MAP7: variants seen among roughly 807,000 people sequenced by gnomAD.
The protein encoded by MAP7 is ensconsin.
MAP7 carries 52 observed loss-of-function variants against 94.8 expected under a neutral mutation model. The observed-to-expected ratio is 0.55, with a 90% CI of 0.44 to 0.69. MAP7 has a LOEUF of 0.69. Among genes scored for constraint, MAP7 ranks in the 30% least tolerant of loss-of-function variants. MAP7 has a pLI of 0.00. For synonymous variants in MAP7, 350 were observed against 357.0 expected, an observed-to-expected ratio of 0.98 and a Z score of 0.22; for missense variants, 940 against 964.6, an observed-to-expected ratio of 0.97 and a Z score of 0.34.
At chr6:136,495,951 C>T (rs1336512340) in intron 1 of MAP7, among the ~76,000 whole-genome samples, 1 of 152,096 alleles carries the variant, frequency 6.6e-6, no homozygotes, top group East Asian at 1.9e-4. Context: ...AAAATAATGG[C>T]TCAAGGAGGG....
chr6:136,466,194 AAAAT>A (rs1806986282), intron 1 of MAP7, among the ~76,000 whole-genome samples: 1 of 152,164 alleles, frequency 6.6e-6, no homozygotes, highest in African/African-American at 2.4e-5. Flanking sequence ...ACAAAATAAA[AAAAT>A]AAGTAGGCAA....
At chr6:136,416,290 C>A (rs1789384449) in intron 2 of MAP7, among the ~76,000 whole-genome samples, 2 of 152,000 alleles carry the variant, frequency 1.3e-5, no homozygotes, top group African/African-American at 2.4e-5. Flanking sequence ...CAATCTTGTA[C>A]CTGATAACAG....
intron 1 of MAP7, among the ~76,000 whole-genome samples, chr6:136,463,108 T>G (rs767988925): frequency 7.2e-5 from 11 of 152,204 alleles, no homozygotes; most frequent in Non-Finnish European, 1.5e-4. Context: ...CAGAGTTTTA[T>G]GCAGCATAGT....
At chr6:136,474,428 C>T (rs890964764) in intron 1 of MAP7, among the ~76,000 whole-genome samples, 2 of 152,102 alleles carry the variant, frequency 1.3e-5, no homozygotes, top group East Asian at 1.9e-4. Context: ...GAGCAGATGA[C>T]GTCTGGACCA....
Position 136,389,452 on chromosome 6 carries a change from C to T in MAP7, c.310G>A (p.Glu104Lys), listed in dbSNP as rs144032858. ...RARQHYEKHLEERKKRLEEQR... is the reference protein window; with the variant it reads ...RARQHYEKHLKERKKRLEEQR... ...TCCTCCAACCTCTTCTTCCGCTCTT[C>T]CAGGTGCTTCTCGTAGTGCTGCCTG... The change falls in exon 4 of 18, where the codon GAA (glutamate) becomes AAA (lysine). Residue 104 changes from glutamate (E) to lysine (K), a missense_variant. Physicochemically the swap from Glu to Lys is moderately conservative, Grantham distance 56. Coordinates refer to ENST00000354570, the MANE Select transcript of MAP7 (RefSeq NM_003980.6). 1 of 1,610,270 alleles carries T rather than the reference C, an allele frequency of 6.2e-7. No individual in the cohort carries two copies. The highest frequency in any genetic ancestry group is 1.1e-5 in the South Asian group (1 of 90,642).
At chr6:136,454,964 TG>T (rs1332361292) in intron 1 of MAP7, among the ~76,000 whole-genome samples, 2 of 152,074 alleles carry the variant, frequency 1.3e-5, no homozygotes, top group Non-Finnish European at 2.9e-5. Context: ...ATGTTAAATT[TG>T]GCCAAGAGAA....
intron 1 of MAP7, among the ~76,000 whole-genome samples, chr6:136,532,719 C>T (rs755548468): frequency 6.6e-6 from 1 of 151,984 alleles, no homozygotes; most frequent in Non-Finnish European, 1.5e-5. Flanking sequence ...AGAGAGAACA[C>T]TCAGGCAGAG....
At chr6:136,434,855 G>C (rs1163736488) in intron 1 of MAP7, among the ~76,000 whole-genome samples, 1 of 152,218 alleles carries the variant, frequency 6.6e-6, no homozygotes, top group Non-Finnish European at 1.5e-5. Flanking sequence ...CAGGTCGGAG[G>C]AGAGGCTGAC....
intron 1 of MAP7, among the ~76,000 whole-genome samples, chr6:136,454,109 C>T (rs1802010635): frequency 1.3e-5 from 2 of 152,106 alleles, no homozygotes; most frequent in African/African-American, 4.8e-5. Context: ...CCCAAACTGC[C>T]AAATCCTCCA....
At chr6:136,444,477 A>G (rs1249899854) in intron 1 of MAP7, among the ~76,000 whole-genome samples, 1 of 152,246 alleles carries the variant, frequency 6.6e-6, no homozygotes, top group East Asian at 1.9e-4. Flanking sequence ...AAGCTAAATT[A>G]TACAAACTCA....
intron 13 of MAP7, 83 bp downstream of exon 13, chr6:136,360,614 G>A (rs1792335352): frequency 4.3e-6 from 5 of 1,153,216 alleles, no homozygotes; most frequent in South Asian, 1.3e-5. Flanking sequence ...GGTAGAACAC[G>A]CGTTTTCTGA....
At chr6:136,401,671 A>G (rs1383644386) in intron 3 of MAP7, among the ~76,000 whole-genome samples, 1 of 152,004 alleles carries the variant, frequency 6.6e-6, no homozygotes, top group Non-Finnish European at 1.5e-5. Flanking sequence ...TAGGAGATAT[A>G]CCTAATGTAA....
At chr6:136,475,984 A>G (rs1810773095) in intron 1 of MAP7, 2 of 152,200 alleles carry the variant, frequency 1.3e-5, no homozygotes, top group Admixed American at 1.3e-4. Flanking sequence ...GAAACCATCA[A>G]ATTGTATCTT....
intron 16 of MAP7, among the ~76,000 whole-genome samples, chr6:136,348,953 G>A (rs924251764): frequency 5.3e-5 from 8 of 152,232 alleles, no homozygotes; most frequent in African/African-American, 1.9e-4. Flanking sequence ...GGCAGTATCT[G>A]TATAGGCAGC....
At chr6:136,433,512 C>T (rs966158377) in intron 1 of MAP7, among the ~76,000 whole-genome samples, 4 of 152,226 alleles carry the variant, frequency 2.6e-5, no homozygotes, top group Non-Finnish European at 5.9e-5. Context: ...GAAATAACCA[C>T]AAGGAAAACT....
At chr6:136,394,933 T>TATATATATATATATATACATATATAC (rs1306242394) in intron 3 of MAP7, among the ~76,000 whole-genome samples, 1 of 76,676 alleles carries the variant, frequency 1.3e-5, no homozygotes, top group African/African-American at 6.3e-5. Context: ...TATTCCATCA[T>TATATATATATATATATACATATATAC]ATATATATAT....
intron 15 of MAP7, 74 bp downstream of exon 15, chr6:136,359,746 G>T: frequency 7.2e-7 from 1 of 1,390,424 alleles, no homozygotes; most frequent in South Asian, 1.3e-5. Flanking sequence ...ATCAATTCCT[G>T]AATATCTTCA....
intron 1 of MAP7, among the ~76,000 whole-genome samples, chr6:136,446,409 A>C (rs566095132): frequency 6.6e-6 from 1 of 152,236 alleles, no homozygotes; most frequent in Non-Finnish European, 1.5e-5. Context: ...ACCACCATCC[A>C]GGAGTTTCCA....
At chr6:136,345,735 T>C (rs1562293206) in intron 17 of MAP7, 121 bp downstream of exon 17, 8 of 860,982 alleles carry the variant, frequency 9.3e-6, no homozygotes. Context: ...CCACTGTGGC[T>C]TACTTGGTCC....
Sources: gnomAD v4.1 joint callset for allele counts (sites outside exome capture counted in the v4.1 genomes callset) on GRCh38, gnomAD v4.1.1 for gene constraint, MANE v1.5 for transcripts, NCBI Gene and HGNC (gene_info 2026-07-23, HGNC 2026-07-21) for gene names.